The following RAPGEF1 variants were observed in gnomAD, a reference collection of about 807,000 sequenced individuals.
RAPGEF1 encodes the protein Rap guanine nucleotide exchange factor 1.
In RAPGEF1, 33 loss-of-function variants were observed where a neutral mutation model predicts 143.3. The ratio of observed to expected loss-of-function variants is 0.23; its 90% confidence interval spans 0.17 to 0.31. RAPGEF1 has a LOEUF of 0.31. RAPGEF1 is among the 10% of genes least tolerant of loss of function. RAPGEF1 has a pLI of 1.00. For missense variants in RAPGEF1, 1,199 were observed against 1,645.4 expected, an observed-to-expected ratio of 0.73 and a Z score of 4.69; for synonymous variants, 629 against 676.5, an observed-to-expected ratio of 0.93 and a Z score of 1.09.
In RAPGEF1 at chr9:131,650,830, G is replaced by A. The variant is rs573240392; in HGVS notation, c.181C>T (p.Pro61Ser). ...CTTACTTTGTTCACAGGCTTCTCTG[G>A]AATCTTTACGGACACCTCAGCTGGT... ...GKPAEVSVKIPEKPVNKEATD... is the reference protein window; with the variant it reads ...GKPAEVSVKISEKPVNKEATD... The change falls in exon 2 of 27, where the codon CCA (proline) becomes TCA (serine). Residue 61 changes from proline (P) to serine (S), a missense_variant. By Grantham distance (74) the Pro-to-Ser change is moderately conservative. Coordinates refer to ENST00000683357, the MANE Select transcript of RAPGEF1 (RefSeq NM_001377935.1). This position sits in a 1 kb window ranked among gnomAD's most constrained non-coding sequence, Gnocchi z 4.7. 1.2e-6 allele frequency: 2 copies of A among 1,613,874 alleles called. No individual in the cohort carries two copies. Among genetic ancestry groups the A allele is most frequent in the African/African-American group, 2.7e-5 (2 of 74,918 alleles).
chr9:131,736,216 C>T (rs1317692517), intron 1 of RAPGEF1, among the ~76,000 whole-genome samples: 1 of 152,184 alleles, frequency 6.6e-6, no homozygotes, highest in African/African-American at 2.4e-5. Flanking sequence ...CACAAGCTCA[C>T]CCTGGGAGCT....
chr9:131,660,440 CTT>C (rs11390314), intron 1 of RAPGEF1, among the ~76,000 whole-genome samples: 1 of 148,950 alleles, frequency 6.7e-6, no homozygotes, highest in African/African-American at 2.5e-5. Flanking sequence ...TATTTTTTCA[CTT>C]TTTTTTTTTT....
intron 1 of RAPGEF1, among the ~76,000 whole-genome samples, chr9:131,690,499 T>C (rs927525712): frequency 6.6e-6 from 1 of 152,178 alleles, no homozygotes; most frequent in African/African-American, 2.4e-5. Flanking sequence ...AGCATTAATA[T>C]CAAAAGTACA....
chr9:131,610,923 C>T (rs1957941312), intron 12 of RAPGEF1, among the ~76,000 whole-genome samples: 1 of 152,230 alleles, frequency 6.6e-6, no homozygotes. Context: ...CTTGGTAACA[C>T]TCCTTGTTAC....
At chr9:131,665,721 C>A (rs1830323501) in intron 1 of RAPGEF1, among the ~76,000 whole-genome samples, 1 of 152,138 alleles carries the variant, frequency 6.6e-6, no homozygotes, top group Admixed American at 6.5e-5. Flanking sequence ...GATGGGGAGG[C>A]CTGACAAGTG....
chr9:131,614,145 C>A (rs1165134125), intron 12 of RAPGEF1, among the ~76,000 whole-genome samples: 1 of 152,122 alleles, frequency 6.6e-6, no homozygotes, highest in African/African-American at 2.4e-5. Flanking sequence ...CCAACACCCC[C>A]CCCCAAGGAG....
At chr9:131,639,843 A>G (rs1009181574) in intron 4 of RAPGEF1, among the ~76,000 whole-genome samples, 8 of 152,232 alleles carry the variant, frequency 5.3e-5, no homozygotes, top group African/African-American at 1.9e-4. Context: ...AGCTATTTAG[A>G]ACAAAAATGT....
At chr9:131,676,344 G>C (rs528358571) in intron 1 of RAPGEF1, among the ~76,000 whole-genome samples, 1 of 152,340 alleles carries the variant, frequency 6.6e-6, no homozygotes, top group South Asian at 2.1e-4. Context: ...TGCCCACCAT[G>C]GGACATGGGA....
chr9:131,668,224 G>A (rs998416930), intron 1 of RAPGEF1, among the ~76,000 whole-genome samples: 6 of 152,188 alleles, frequency 3.9e-5, no homozygotes, highest in Non-Finnish European at 8.8e-5. Context: ...CACAGATGCT[G>A]CTTGAGGGGA....
chr9:131,710,278 C>T (rs1206695970), intron 1 of RAPGEF1, among the ~76,000 whole-genome samples: 1 of 152,064 alleles, frequency 6.6e-6, no homozygotes, highest in African/African-American at 2.4e-5. Context: ...CAAAACGAAA[C>T]AAAACATCAA....
rs192844323 is a variant in RAPGEF1 at position 131,652,630 on chromosome 9, C to T, written c.62-1681G>A. On this transcript the variant is annotated intron_variant, in intron 1 of 26. Transcript: ENST00000683357. ...GGATCATCAGTATCACCATCTTCCA[C>T]CTCCCCATCTTGTCCCACTGGAAGG... Among the ~76,000 whole-genome samples, 4 of 152,266 alleles carry T rather than the reference C, an allele frequency of 2.6e-5. No individual in the cohort carries two copies. The East Asian group carries it at 7.7e-4, about 29-fold the overall frequency.
intron 1 of RAPGEF1, among the ~76,000 whole-genome samples, chr9:131,733,983 A>G (rs1016466785): frequency 6.6e-6 from 1 of 152,190 alleles, no homozygotes; most frequent in Non-Finnish European, 1.5e-5. Flanking sequence ...CTAAAAACAC[A>G]CTTAGCTGGC....
intron 1 of RAPGEF1, chr9:131,725,552 G>C (rs926077286): frequency 6.6e-6 from 1 of 152,042 alleles, no homozygotes; most frequent in African/African-American, 2.4e-5. Context: ...TTGACCTTGC[G>C]GGCTAAAGCA....
At chr9:131,638,980 T>G (rs749331399) in intron 4 of RAPGEF1, among the ~76,000 whole-genome samples, 189 bp from the exon 5 acceptor site, 2 of 152,150 alleles carry the variant, frequency 1.3e-5, no homozygotes, top group Admixed American at 6.5e-5. Context: ...TTGTGGAGCT[T>G]TATATTCTAA....
At chr9:131,688,637 A>G (rs896565741) in intron 1 of RAPGEF1, among the ~76,000 whole-genome samples, 2 of 152,210 alleles carry the variant, frequency 1.3e-5, no homozygotes, top group African/African-American at 4.8e-5. Context: ...TCAAATCTAA[A>G]TAACAAGCCT....
At chr9:131,652,304 GCAGTGGTGTGATCA>G (rs1439720619) in intron 1 of RAPGEF1, among the ~76,000 whole-genome samples, 1 of 152,064 alleles carries the variant, frequency 6.6e-6, no homozygotes, top group Non-Finnish European at 1.5e-5. Flanking sequence ...AGACTAGAGT[GCAGTGGTGTGATCA>G]CAGCTCACCA....
In RAPGEF1 at chr9:131,588,723, G is replaced by C; in HGVS notation, c.3053+78C>G. 7.1e-6 allele frequency: 10 copies of C among 1,416,510 alleles called. No homozygotes were observed. The South Asian group carries it at 1.4e-4, about 19-fold the overall frequency. 87.7% of individuals were successfully genotyped at this position (1,416,510 alleles called of 1,614,324 possible). A position where few individuals can be genotyped will look rare whatever the true frequency, so the allele number is the denominator to read the frequency against. On this transcript the variant is annotated intron_variant, in intron 20 of 26. Coordinates refer to ENST00000683357, the MANE Select transcript of RAPGEF1 (RefSeq NM_001377935.1). ...TGCAGAACCAGGATGGGGCTGTGGG[G>C]CTGGCAGGGAGGGAGGGTAAACTGA...
At chr9:131,688,720 C>T (rs951717974) in intron 1 of RAPGEF1, among the ~76,000 whole-genome samples, 7 of 152,160 alleles carry the variant, frequency 4.6e-5, no homozygotes, top group Middle Eastern at 6.8e-3. Context: ...CCAGCCTGGG[C>T]AACATGGCGA....
At chr9:131,666,492 T>C (rs750069891) in intron 1 of RAPGEF1, among the ~76,000 whole-genome samples, 7 of 152,236 alleles carry the variant, frequency 4.6e-5, no homozygotes, top group African/African-American at 1.7e-4. Flanking sequence ...GTTCAAGTGA[T>C]TCTTCTGCCT....
Sources: allele counts gnomAD v4.1 joint callset (sites outside exome capture counted in the v4.1 genomes callset), GRCh38; gene constraint gnomAD v4.1.1; non-coding constraint Gnocchi (gnomAD v3.1); transcripts MANE v1.5; gene names NCBI Gene and HGNC (gene_info 2026-07-23, HGNC 2026-07-21).